The following CUL3 variants were observed in gnomAD, a reference collection of about 807,000 sequenced individuals.
The protein encoded by CUL3 is cullin 3, also known as cullin-3.
In CUL3, 19 loss-of-function variants were observed where a neutral mutation model predicts 89.1. The ratio of observed to expected loss-of-function variants is 0.21; its 90% confidence interval spans 0.15 to 0.31. The LOEUF (loss-of-function observed/expected upper bound fraction) is 0.31, where lower values mean the gene tolerates loss of function less well. Ranked by LOEUF, CUL3 falls within the 10% of genes least tolerant of loss-of-function variation. The pLI is 1.00. For synonymous variants in CUL3, 351 were observed against 308.4 expected (o/e 1.14, Z -1.45); for missense variants, 469 against 942.3 (o/e 0.50, Z 6.58).
chr2:224,492,760 A>G (rs182272232), intron 13 of CUL3, among the ~76,000 whole-genome samples: 2 of 152,320 alleles, frequency 1.3e-5, no homozygotes, highest in Admixed American at 1.3e-4. Context: ...ACCCTGGTAT[A>G]TGTTAATCTT....
intron 3 of CUL3, among the ~76,000 whole-genome samples, chr2:224,518,893 A>C (rs1693164668): frequency 6.6e-6 from 1 of 152,220 alleles, no homozygotes; most frequent in Non-Finnish European, 1.5e-5. Context: ...AAAGGAGGTA[A>C]ATCTATTACC....
intron 13 of CUL3, 119 bp from the exon 14 acceptor site, chr2:224,482,197 C>CA: frequency 1.5e-6 from 1 of 675,766 alleles, no homozygotes; most frequent in Non-Finnish European, 2.4e-6. Context: ...AAATAATGCA[C>CA]AAAAAAGAAT....
At chr2:224,520,556 A>T (rs1245255294) in intron 3 of CUL3, among the ~76,000 whole-genome samples, 1 of 152,214 alleles carries the variant, frequency 6.6e-6, no homozygotes, top group East Asian at 1.9e-4. Context: ...AAGGCTGGAT[A>T]AAAAAATACA....
intron 1 of CUL3, chr2:224,562,661 G>C (rs1335492920): frequency 6.7e-6 from 1 of 148,528 alleles, no homozygotes; most frequent in Admixed American, 6.7e-5. Flanking sequence ...AAAAGACGAC[G>C]ACAATGAAAA....
chr2:224,476,259 C>T (rs1456026291), intron 15 of CUL3, among the ~76,000 whole-genome samples: 3 of 152,092 alleles, frequency 2.0e-5, no homozygotes, highest in African/African-American at 7.2e-5. Flanking sequence ...GCAGGTGATC[C>T]GCCCACCTTG....
chr2:224,543,549 T>C (rs539564757), intron 2 of CUL3, among the ~76,000 whole-genome samples: 31 of 152,202 alleles, frequency 2.0e-4, no homozygotes, highest in Non-Finnish European at 4.3e-4. Context: ...GTGTTTCAGA[T>C]TTTTGATTTT....
At chr2:224,558,861 TCTCTAC>T (rs1694811402) in intron 1 of CUL3, among the ~76,000 whole-genome samples, 6 of 77,168 alleles carry the variant, frequency 7.8e-5, no homozygotes, top group African/African-American at 3.0e-4. Flanking sequence ...GCTAATACGG[TCTCTAC>T]TAAATATACA....
intron 2 of CUL3, among the ~76,000 whole-genome samples, chr2:224,545,672 A>G (rs890898174): frequency 6.6e-6 from 1 of 152,190 alleles, no homozygotes; most frequent in African/African-American, 2.4e-5. Context: ...GCTTGGCACT[A>G]TGGGGGATAC....
intron 1 of CUL3, among the ~76,000 whole-genome samples, chr2:224,584,608 G>A (rs1268193587): frequency 6.6e-6 from 1 of 151,898 alleles, no homozygotes; most frequent in African/African-American, 2.4e-5. Flanking sequence ...TAGCAGCGCC[G>A]GAGACTGGGC....
chr2:224,513,962 A>T (rs1574646348), intron 4 of CUL3, among the ~76,000 whole-genome samples: 1 of 152,364 alleles, frequency 6.6e-6, no homozygotes, highest in Non-Finnish European at 1.5e-5. Flanking sequence ...ACTGCCAGAC[A>T]TGGGTCCAAT....
chr2:224,536,208 C>T (rs1693893327), intron 2 of CUL3, among the ~76,000 whole-genome samples: 1 of 152,152 alleles, frequency 6.6e-6, no homozygotes, highest in Non-Finnish European at 1.5e-5. Flanking sequence ...GTGCTTAGTA[C>T]TCCGTAAACA....
At chr2:224,581,134 C>T (rs751498650) in intron 1 of CUL3, among the ~76,000 whole-genome samples, 31 of 152,284 alleles carry the variant, frequency 2.0e-4, no homozygotes, top group Non-Finnish European at 3.1e-4. Flanking sequence ...TGGCGGCTCA[C>T]ACCTGTAATC....
At chr2:224,572,756 TTC>T (rs1014421545) in intron 1 of CUL3, among the ~76,000 whole-genome samples, 5 of 152,108 alleles carry the variant, frequency 3.3e-5, no homozygotes, top group African/African-American at 9.7e-5. Context: ...TTTTTTGCCC[TTC>T]TGTCTCTGCC....
intron 1 of CUL3, among the ~76,000 whole-genome samples, chr2:224,568,245 CTAAA>C (rs1695094956): frequency 6.6e-6 from 1 of 152,204 alleles, no homozygotes; most frequent in South Asian, 2.1e-4. Context: ...TAACTATACA[CTAAA>C]TAAACTGTAG....
At chr2:224,475,305 C>T (rs1371750377) in intron 15 of CUL3, among the ~76,000 whole-genome samples, 1 of 152,236 alleles carries the variant, frequency 6.6e-6, no homozygotes, top group East Asian at 1.9e-4. Flanking sequence ...GCGTGAGCCA[C>T]CGTGCCCGGC....
intron 6 of CUL3, among the ~76,000 whole-genome samples, chr2:224,509,054 C>G (rs1559151236): frequency 1.3e-5 from 2 of 151,826 alleles, no homozygotes; most frequent in African/African-American, 4.8e-5. Flanking sequence ...AGTGAGAAAA[C>G]TGTTTTTCAT....
intron 8 of CUL3, chr2:224,505,743 T>A: frequency 3.7e-6 from 1 of 273,524 alleles, no homozygotes; most frequent in Non-Finnish European, 6.7e-6. Flanking sequence ...TCCAGTTGCT[T>A]GTTTTTGAAG....
intron 15 of CUL3, 29 bp downstream of exon 15, chr2:224,478,171 A>T (rs114067496): frequency 1.3e-6 from 2 of 1,554,676 alleles, no homozygotes; most frequent in Admixed American, 3.9e-5. Flanking sequence ...TGTTTTTTCT[A>T]TATTAGCCCA....
rs745316138 is a variant in CUL3 at position 224,474,357 on chromosome 2, G to T, written c.2195C>A (p.Ala732Glu). 2 of 1,612,230 alleles carry T rather than the reference G, an allele frequency of 1.2e-6. No individual in the cohort carries two copies. The highest frequency in any genetic ancestry group is 1.1e-5 in the South Asian group (1 of 90,698). ...LVAEVTQQLK[A>E]RFLPSPVVIK... ...AACAACTGGACTTGGTAAGAATCGC[G>T]CCTTCAACTGCTGAGTTACCTAAAA... The change falls in exon 16 of 16, where the codon GCG (alanine) becomes GAG (glutamate). Residue 732 changes from alanine (A) to glutamate (E), a missense_variant. Transcript: ENST00000264414.
Sources: allele counts gnomAD v4.1 joint callset (sites outside exome capture counted in the v4.1 genomes callset), GRCh38; gene constraint gnomAD v4.1.1; transcripts MANE v1.5; gene names NCBI Gene and HGNC (gene_info 2026-07-23, HGNC 2026-07-21).